The following DDX10 variants were observed in gnomAD, a reference collection of about 807,000 sequenced individuals.
DDX10 encodes the protein DEAD-box helicase 10.
Under a neutral mutation model 104.3 loss-of-function variants are expected in DDX10, and 74 were observed. The observed-to-expected ratio is 0.71, with a 90% CI of 0.59 to 0.86. The LOEUF is 0.86. DDX10 is among the 40% of genes least tolerant of loss of function. DDX10 has a pLI of 0.00. For missense variants in DDX10, 952 were observed against 1,040.0 expected (o/e 0.92, Z 1.16); for synonymous variants, 351 against 353.4 (o/e 0.99, Z 0.08).
intron 15 of DDX10, 59 bp downstream of exon 15, chr11:108,841,535 AAT>A (rs1231240103): frequency 1.4e-6 from 2 of 1,425,852 alleles, no homozygotes; most frequent in East Asian, 4.6e-5. Context: ...AGTATATCTA[AAT>A]ATTCATTAGC....
chr11:108,765,087 G>A (rs1344474030), intron 13 of DDX10, among the ~76,000 whole-genome samples: 1 of 152,110 alleles, frequency 6.6e-6, no homozygotes, highest in African/African-American at 2.4e-5. Flanking sequence ...TACTGAAGAA[G>A]CCAAATTTCT....
At chr11:108,892,947 C>G (rs1279954639) in intron 16 of DDX10, among the ~76,000 whole-genome samples, 1 of 152,164 alleles carries the variant, frequency 6.6e-6, no homozygotes, top group African/African-American at 2.4e-5. Flanking sequence ...CTCCATCTTT[C>G]CCTTTGCCCT....
intron 13 of DDX10, among the ~76,000 whole-genome samples, chr11:108,733,974 T>C (rs2094315395): frequency 6.6e-6 from 1 of 152,200 alleles, no homozygotes; most frequent in African/African-American, 2.4e-5. Context: ...CTTCCTGGAT[T>C]ATTTTCTTCC....
At chr11:108,863,219 G>A (rs80221997) in intron 16 of DDX10, among the ~76,000 whole-genome samples, 2,011 of 152,322 alleles carry the variant, frequency 0.013, 50 homozygotes, top group African/African-American at 0.046. Context: ...TAAGGGGGAA[G>A]TAGGCACTTT....
chr11:108,717,309 TTTTG>T (rs531049803), intron 11 of DDX10, among the ~76,000 whole-genome samples: 262 of 152,334 alleles, frequency 1.7e-3, no homozygotes, highest in Middle Eastern at 3.4e-3. Flanking sequence ...AAGTAAGTTT[TTTTG>T]TTTGTTTGTT....
intron 16 of DDX10, among the ~76,000 whole-genome samples, chr11:108,866,390 G>C (rs1481300784): frequency 6.6e-6 from 1 of 152,150 alleles, no homozygotes; most frequent in Non-Finnish European, 1.5e-5. Context: ...AATTTTGTTT[G>C]CACTGTGTGG....
rs1326558230 is a variant in DDX10 at position 108,665,091 on chromosome 11, G to GT, written c.-62dup. The GT allele has an allele frequency of 1.1e-5, 16 of 1,487,114 alleles. No individual in the cohort carries two copies. Among genetic ancestry groups the GT allele is most frequent in the Non-Finnish European group, 1.4e-5 (16 of 1,122,756 alleles). 92.1% of individuals were successfully genotyped at this position (1,487,114 alleles called of 1,614,324 possible). The stretch of plus-strand genomic sequence containing the variant: ...TGTGCGTTTGTCCCATGCTGGTTCC[G>GT]TGAGTCTGGCCTTAGGTGTCTCGTG... On this transcript the variant is annotated 5_prime_UTR_variant, in exon 1 of 18. An upstream open reading frame in the 5' UTR loses its in-frame stop. Transcript: ENST00000322536.
chr11:108,797,802 C>G (rs1187982555), intron 13 of DDX10, among the ~76,000 whole-genome samples: 7 of 152,110 alleles, frequency 4.6e-5, no homozygotes, highest in Non-Finnish European at 8.8e-5. Flanking sequence ...ATAAATAAAA[C>G]AATTCTTTGA....
At chr11:108,816,208 G>T (rs1354366231) in intron 13 of DDX10, among the ~76,000 whole-genome samples, 1 of 152,126 alleles carries the variant, frequency 6.6e-6, no homozygotes, top group Non-Finnish European at 1.5e-5. Flanking sequence ...CCAAGGCTTT[G>T]CCTTATATTC....
chr11:108,682,429 G>A (rs951170064), intron 6 of DDX10, among the ~76,000 whole-genome samples: 1 of 152,160 alleles, frequency 6.6e-6, no homozygotes, highest in Non-Finnish European at 1.5e-5. Flanking sequence ...TTTGATATTA[G>A]TCTACCTATA....
chr11:108,746,792 C>T (rs1006292759), intron 13 of DDX10, among the ~76,000 whole-genome samples: 6 of 151,948 alleles, frequency 3.9e-5, no homozygotes, highest in Non-Finnish European at 7.4e-5. Flanking sequence ...TTTGCCTTTC[C>T]CTGATGATCA....
At chr11:108,852,266 G>T in intron 16 of DDX10, 57 bp downstream of exon 16, 1 of 1,367,416 alleles carries the variant, frequency 7.3e-7, no homozygotes, top group Non-Finnish European at 1.0e-6. Context: ...ATGGACAAAA[G>T]CATTTTATAT....
intron 10 of DDX10, among the ~76,000 whole-genome samples, chr11:108,707,694 A>G (rs896972571): frequency 1.3e-5 from 2 of 152,242 alleles, no homozygotes; most frequent in African/African-American, 4.8e-5. Context: ...AATGTCATTT[A>G]TAGGTTACTA....
intron 13 of DDX10, among the ~76,000 whole-genome samples, chr11:108,760,488 A>G (rs1360880294): frequency 1.3e-5 from 2 of 152,164 alleles, no homozygotes; most frequent in Non-Finnish European, 1.5e-5. Context: ...ATTAGTTTAT[A>G]TGGGAACATT....
chr11:108,676,726 G>A (rs2094225735), intron 3 of DDX10, among the ~76,000 whole-genome samples: 1 of 152,156 alleles, frequency 6.6e-6, no homozygotes, highest in Non-Finnish European at 1.5e-5. Flanking sequence ...GATCAGGCGT[G>A]AGCCACTGCG....
chr11:108,717,007 C>G (rs528472707), intron 11 of DDX10, among the ~76,000 whole-genome samples: 1 of 151,918 alleles, frequency 6.6e-6, no homozygotes, highest in Non-Finnish European at 1.5e-5. Context: ...GCTTTCCAAT[C>G]TTTCTAATCT....
intron 10 of DDX10, among the ~76,000 whole-genome samples, chr11:108,712,802 T>TA (rs756538432): frequency 1.3e-5 from 2 of 150,814 alleles, no homozygotes; most frequent in African/African-American, 5.0e-5. Flanking sequence ...GTTTCTCACT[T>TA]ACGTTTTTTT....
intron 16 of DDX10, among the ~76,000 whole-genome samples, chr11:108,855,741 G>A (rs549894083): frequency 6.6e-6 from 1 of 152,206 alleles, no homozygotes; most frequent in Non-Finnish European, 1.5e-5. Flanking sequence ...TTATGGATGT[G>A]AGCCACTGCA....
chr11:108,933,559 C>G (rs1864001089), intron 17 of DDX10, among the ~76,000 whole-genome samples: 1 of 152,164 alleles, frequency 6.6e-6, no homozygotes, highest in Admixed American at 6.5e-5. Flanking sequence ...GAGTTTTGAT[C>G]TTTTTATAAT....
Sources: allele counts gnomAD v4.1 joint callset (sites outside exome capture counted in the v4.1 genomes callset), GRCh38; gene constraint gnomAD v4.1.1; transcripts MANE v1.5; gene names NCBI Gene and HGNC (gene_info 2026-07-23, HGNC 2026-07-21).